CTNND2: variants seen among roughly 807,000 people sequenced by gnomAD.
CTNND2 encodes catenin delta-2.
A neutral mutation model predicts 144.4 loss-of-function variants in CTNND2; 22 were observed. That is an observed-to-expected ratio of 0.15 (90% CI 0.11 to 0.22). The LOEUF (loss-of-function observed/expected upper bound fraction) is 0.22. Ranked by LOEUF, CTNND2 falls within the 10% of genes least tolerant of loss-of-function variation. The pLI, the probability that CTNND2 is intolerant of heterozygous loss-of-function variation, is 1.00. For synonymous variants in CTNND2, 751 were observed against 695.6 expected (o/e 1.08, Z -1.25); for missense variants, 1,353 against 1,618.8 (o/e 0.84, Z 2.82).
chr5:11,068,892 G>T (rs953030554), intron 16 of CTNND2, among the ~76,000 whole-genome samples: 11 of 152,176 alleles, frequency 7.2e-5, no homozygotes, highest in African/African-American at 2.7e-4. Flanking sequence ...ACTCCAGCCT[G>T]GGCGACAGAG....
intron 6 of CTNND2, among the ~76,000 whole-genome samples, chr5:11,392,115 C>T (rs560761303): frequency 2.2e-4 from 34 of 152,310 alleles, no homozygotes; most frequent in African/African-American, 8.2e-4. Flanking sequence ...TATTTTGTCT[C>T]TGCCACTGCA....
intron 1 of CTNND2, among the ~76,000 whole-genome samples, chr5:11,868,272 A>G (rs1319190491): frequency 6.6e-6 from 1 of 152,112 alleles, no homozygotes; most frequent in Non-Finnish European, 1.5e-5. Context: ...TGGGTGCTCC[A>G]GGGTGGTGAT....
intron 1 of CTNND2, among the ~76,000 whole-genome samples, chr5:11,825,106 G>GA (rs1238074608): frequency 2.7e-5 from 4 of 150,940 alleles, no homozygotes; most frequent in African/African-American, 4.9e-5. Flanking sequence ...AACTCAAAAA[G>GA]AAAAAAAACT....
At chr5:11,712,785 A>G (rs1025955427) in intron 2 of CTNND2, among the ~76,000 whole-genome samples, 1 of 152,230 alleles carries the variant, frequency 6.6e-6, no homozygotes, top group Non-Finnish European at 1.5e-5. Context: ...CACAGTTAGC[A>G]AACTTAATAG....
Position 11,628,709 on chromosome 5 carries a change from C to T in CTNND2, c.175-63653G>A, listed in dbSNP as rs551366369. Reference sequence around the variant, plus strand: ...TAAGAGGGCTGATTGTTCTTCACCACTTTTTGTACTTTTTGTAAAATTATA... The same window carrying T: ...TAAGAGGGCTGATTGTTCTTCACCATTTTTTGTACTTTTTGTAAAATTATA... On this transcript the variant is annotated intron_variant, in intron 2 of 21. Coordinates refer to ENST00000304623, the MANE Select transcript of CTNND2 (RefSeq NM_001332.4). 1.6e-4 allele frequency among the ~76,000 whole-genome samples: 24 copies of T among 152,064 alleles called. 1 individual carries two copies. The South Asian group carries it at 3.5e-3, about 22-fold the overall frequency.
intron 2 of CTNND2, among the ~76,000 whole-genome samples, chr5:11,714,968 T>C (rs959914003): frequency 6.6e-6 from 1 of 151,852 alleles, no homozygotes; most frequent in Admixed American, 6.6e-5. Context: ...AATGTACGTG[T>C]ATTGCGATAC....
At chr5:11,129,302 TTATATATATAAA>T (rs765730382) in intron 12 of CTNND2, among the ~76,000 whole-genome samples, 56 of 66,578 alleles carry the variant, frequency 8.4e-4, no homozygotes, top group African/African-American at 2.7e-3. Flanking sequence ...ATAATATATA[TTATATATATAAA>T]TATATATAAT....
intron 9 of CTNND2, among the ~76,000 whole-genome samples, chr5:11,294,125 T>C (rs1748642207): frequency 6.7e-6 from 1 of 148,244 alleles, no homozygotes; most frequent in African/African-American, 2.5e-5. Flanking sequence ...TGCTTGAGCA[T>C]GAATCCAGCC....
chr5:11,210,473 C>T (rs896381059), intron 10 of CTNND2, among the ~76,000 whole-genome samples: 22 of 152,122 alleles, frequency 1.4e-4, no homozygotes, highest in African/African-American at 4.6e-4. Context: ...TCTTCAAATG[C>T]CGGTCTTACT....
chr5:11,774,615 A>G (rs914632473), intron 1 of CTNND2, among the ~76,000 whole-genome samples: 1 of 151,932 alleles, frequency 6.6e-6, no homozygotes, highest in African/African-American at 2.4e-5. Context: ...TATGCCAGCC[A>G]TGCTGATTAC....
At chr5:11,157,704 C>A (rs1266119823) in intron 12 of CTNND2, among the ~76,000 whole-genome samples, 1 of 152,202 alleles carries the variant, frequency 6.6e-6, no homozygotes, top group Non-Finnish European at 1.5e-5. Flanking sequence ...AAATCTAAAG[C>A]CTTCTGTCAT....
chr5:11,775,313 A>G (rs1790191216), intron 1 of CTNND2, among the ~76,000 whole-genome samples: 1 of 152,194 alleles, frequency 6.6e-6, no homozygotes, highest in African/African-American at 2.4e-5. Flanking sequence ...CATATTAGCT[A>G]CAGGACCTTG....
intron 9 of CTNND2, among the ~76,000 whole-genome samples, chr5:11,276,544 C>A (rs1265798708): frequency 6.6e-6 from 1 of 152,146 alleles, no homozygotes; most frequent in Admixed American, 6.6e-5. Context: ...CATGGTATTC[C>A]CATCCAGTCT....
At chr5:11,674,417 T>A (rs1385968494) in intron 2 of CTNND2, among the ~76,000 whole-genome samples, 7 of 152,172 alleles carry the variant, frequency 4.6e-5, no homozygotes, top group Admixed American at 4.6e-4. Flanking sequence ...GTACCATGAT[T>A]TCCCCTATAC....
At chr5:11,271,125 G>A (rs902260594) in intron 9 of CTNND2, among the ~76,000 whole-genome samples, 1 of 152,144 alleles carries the variant, frequency 6.6e-6, no homozygotes. Context: ...TGAAGAACAA[G>A]TTATCCTCGC....
intron 5 of CTNND2, among the ~76,000 whole-genome samples, chr5:11,410,168 T>C (rs1274601864): frequency 6.6e-6 from 1 of 152,166 alleles, no homozygotes; most frequent in Non-Finnish European, 1.5e-5. Context: ...AAGAGAAATA[T>C]ATTTAATGAC....
intron 12 of CTNND2, among the ~76,000 whole-genome samples, chr5:11,145,235 A>G (rs1417700618): frequency 1.3e-5 from 2 of 152,206 alleles, no homozygotes; most frequent in African/African-American, 4.8e-5. Context: ...ATTTTAATGC[A>G]ATATTTTTTC....
At chr5:11,010,735 C>A (rs1034880382) in intron 18 of CTNND2, among the ~76,000 whole-genome samples, 5 of 152,166 alleles carry the variant, frequency 3.3e-5, no homozygotes, top group African/African-American at 1.2e-4. Context: ...GCAATGGCCG[C>A]AAGAGCCAAT....
rs777152207 is a variant in CTNND2, at chr5:11,082,781, G to A, written c.2703C>T (p.Leu901=). Residue 901 remains leucine, a synonymous_variant, in exon 16 of 22, where the codon CTC becomes CTT. Transcript: ENST00000304623. Reference sequence around the variant, plus strand: ...ACACCACACGGTCATTGTCTATTCGGAGCAGCTCCACGAGGATGGGCAGGC... The same window carrying A: ...ACACCACACGGTCATTGTCTATTCGAAGCAGCTCCACGAGGATGGGCAGGC... ...EKGLPILVEL[L]RIDNDRVVCA... 1.8e-5 allele frequency: 29 copies of A among 1,614,190 alleles called. No homozygotes were observed. The Middle Eastern group carries it at 8.2e-4, about 46-fold the overall frequency.
Sources: allele counts gnomAD v4.1 joint callset (sites outside exome capture counted in the v4.1 genomes callset), GRCh38; gene constraint gnomAD v4.1.1; transcripts MANE v1.5; gene names NCBI Gene and HGNC (gene_info 2026-07-23, HGNC 2026-07-21).